Variants in LARP4B observed in about 807,000 individuals in gnomAD.
The protein encoded by LARP4B is La ribonucleoprotein 4B.
LARP4B carries 12 observed loss-of-function variants against 89.8 expected under a neutral mutation model. The observed-to-expected ratio is 0.13, with a 90% CI of 0.09 to 0.22. The LOEUF (loss-of-function observed/expected upper bound fraction) is 0.22, where lower values mean the gene tolerates loss of function less well. Among genes scored for constraint, LARP4B ranks in the 10% least tolerant of loss-of-function variants. The pLI is 1.00. For synonymous variants in LARP4B, 367 were observed against 363.3 expected (o/e 1.01, Z -0.12); for missense variants, 757 against 947.7 (o/e 0.80, Z 2.64).
At chr10:880,255 C>A (rs1835616270) in intron 3 of LARP4B, among the ~76,000 whole-genome samples, 1 of 152,092 alleles carries the variant, frequency 6.6e-6, no homozygotes, top group Admixed American at 6.5e-5. Flanking sequence ...TATAGGCCTG[C>A]AATAATTAAT....
intron 3 of LARP4B, among the ~76,000 whole-genome samples, chr10:878,678 C>CCT (rs1407021789): frequency 2.0e-5 from 3 of 152,196 alleles, no homozygotes; most frequent in Admixed American, 1.3e-4. Context: ...GACACCGGGG[C>CCT]CTAGGAAGGC....
intron 1 of LARP4B, among the ~76,000 whole-genome samples, chr10:923,935 C>T (rs908377007): frequency 6.6e-6 from 1 of 152,152 alleles, no homozygotes; most frequent in African/African-American, 2.4e-5. Flanking sequence ...AAATTTAAGA[C>T]ATATTTTATA....
chr10:901,141 T>C (rs1159375447), intron 1 of LARP4B, among the ~76,000 whole-genome samples: 1 of 151,604 alleles, frequency 6.6e-6, no homozygotes, highest in Non-Finnish European at 1.5e-5. Flanking sequence ...GGTTTCGAAC[T>C]CCTGACCTCC....
the LARP4B span, among the ~76,000 whole-genome samples, chr10:954,542 C>T: frequency 1.3e-5 from 2 of 152,058 alleles, no homozygotes; most frequent in Non-Finnish European, 1.5e-5. This position sits in a 1 kb window ranked among gnomAD's most constrained non-coding sequence, Gnocchi z 5.0. Flanking sequence ...GAATGGGAGT[C>T]GGGACATGGC....
At position 809,757 on chromosome 10, in the gene LARP4B, T is replaced by C. The variant is rs1220087061; in HGVS notation, c.*3169A>G. The C allele has an allele frequency of 1.3e-5, 2 of 152,678 alleles. No homozygotes were observed. The highest frequency in any genetic ancestry group is 2.4e-5 in the African/African-American group (1 of 41,468). The allele number at this position is 152,678 out of a possible 1,614,324, so 9.5% of individuals were successfully genotyped here. On this transcript the variant is annotated 3_prime_UTR_variant, in exon 18 of 18. Transcript: ENST00000316157. ...CTGGCGGCCAGCGCCCTCGCCTCGA[T>C]TGTCTGCAGCCCTGTAGTGGGCCGC...
chr10:852,170 G>A (rs1834090288), intron 5 of LARP4B, among the ~76,000 whole-genome samples: 1 of 152,132 alleles, frequency 6.6e-6, no homozygotes, highest in Non-Finnish European at 1.5e-5. Flanking sequence ...GAAATAATAC[G>A]TAACCTCTTC....
chr10:944,106 G>A, the LARP4B span, among the ~76,000 whole-genome samples: 3 of 152,168 alleles, frequency 2.0e-5, no homozygotes, highest in South Asian at 2.1e-4. Flanking sequence ...TTTAGAATTC[G>A]TGGTAAAGTA....
At chr10:986,845 CAGG>C in the LARP4B span, 1 of 151,750 alleles carries the variant, frequency 6.6e-6, no homozygotes, top group Non-Finnish European at 1.5e-5. Flanking sequence ...GAGGCTGAGG[CAGG>C]AGAATGGCTT....
chr10:829,373 G>T lies in LARP4B; in HGVS notation c.1125+12C>A. Reference sequence around the variant, plus strand: ...GTCTACAACATAAATTCCTAGTAAAGAAATGACGTACCAAGGGTGGGTCAA... The same window carrying T: ...GTCTACAACATAAATTCCTAGTAAATAAATGACGTACCAAGGGTGGGTCAA... On this transcript the variant is annotated intron_variant, in intron 11 of 17. Transcript: ENST00000316157. The T allele has an allele frequency of 6.4e-7, 1 of 1,572,408 alleles. No individual in the cohort carries two copies. The highest frequency in any genetic ancestry group is 8.6e-7 in the Non-Finnish European group (1 of 1,158,562).
At position 864,353 on chromosome 10, in the gene LARP4B, T is replaced by C. The variant is rs186495469; in HGVS notation, c.142-83A>G. On this transcript the variant is annotated intron_variant, in intron 3 of 17. Transcript: ENST00000316157. Reference sequence around the variant, plus strand: ...CTCATTAATGCAGAGTTAAGAGACATCAGATATAGGCTCCAAAGGCTCAGC... The same window carrying C: ...CTCATTAATGCAGAGTTAAGAGACACCAGATATAGGCTCCAAAGGCTCAGC... The C allele has an allele frequency of 2.0e-3, 2,807 of 1,378,098 alleles. 7 individuals carry two copies. The highest frequency in any genetic ancestry group is 2.5e-3 in the Non-Finnish European group (2,430 of 977,102). The allele number at this position is 1,378,098 out of a possible 1,614,324, so 85.4% of individuals were successfully genotyped here.
chr10:893,956 C>T (rs140726577), intron 1 of LARP4B, among the ~76,000 whole-genome samples: 50 of 152,242 alleles, frequency 3.3e-4, no homozygotes, highest in African/African-American at 1.0e-3. Flanking sequence ...TGCTGTTCCT[C>T]GATGAACTGC....
the LARP4B span, among the ~76,000 whole-genome samples, chr10:955,554 A>C: frequency 6.6e-6 from 1 of 151,980 alleles, no homozygotes; most frequent in African/African-American, 2.4e-5. The surrounding 1 kb of genome is among the most constrained non-coding windows in gnomAD (Gnocchi z 5.2). Flanking sequence ...CAGACCTTCA[A>C]CTCGGGCCTT....
chr10:893,185 A>AT (rs1836087475), intron 1 of LARP4B, among the ~76,000 whole-genome samples: 1 of 151,832 alleles, frequency 6.6e-6, no homozygotes, highest in Non-Finnish European at 1.5e-5. Flanking sequence ...AAGTGCTGGG[A>AT]TTACAGGAGT....
At chr10:936,673 G>A (rs1052868198), upstream of LARP4B, among the ~76,000 whole-genome samples, 1 of 152,186 alleles carries the variant, frequency 6.6e-6, no homozygotes, top group Non-Finnish European at 1.5e-5. Flanking sequence ...CAGTGAGCGA[G>A]ATCGTGCCAT....
At chr10:897,511 T>C (rs918635961) in intron 1 of LARP4B, among the ~76,000 whole-genome samples, 6 of 152,016 alleles carry the variant, frequency 3.9e-5, no homozygotes, top group Non-Finnish European at 7.4e-5. Context: ...AAGAAAAAAA[T>C]ACACTGGATT....
chr10:972,257 A>G, the LARP4B span: 1 of 344,102 alleles, frequency 2.9e-6, no homozygotes, highest in Admixed American at 3.9e-5. Flanking sequence ...TGAACTCCTG[A>G]CCTCAGGTGA....
chr10:816,607 A>G (rs1207233646), intron 15 of LARP4B, among the ~76,000 whole-genome samples: 1 of 152,200 alleles, frequency 6.6e-6, no homozygotes, highest in African/African-American at 2.4e-5. Flanking sequence ...CCTCCACTCA[A>G]TACCAACGGG....
At chr10:903,103 A>AC in intron 1 of LARP4B, 2 of 152,328 alleles carry the variant, frequency 1.3e-5, no homozygotes, top group Middle Eastern at 6.8e-3. Context: ...ACCTGGACAA[A>AC]CAAGATTCAA....
At chr10:864,889 G>T (rs1368015563) in intron 3 of LARP4B, among the ~76,000 whole-genome samples, 1 of 152,202 alleles carries the variant, frequency 6.6e-6, no homozygotes, top group Non-Finnish European at 1.5e-5. Context: ...GGAGGCGGGG[G>T]TTGCAGTAAG....
Sources: allele counts gnomAD v4.1 joint callset (sites outside exome capture counted in the v4.1 genomes callset), GRCh38; gene constraint gnomAD v4.1.1; non-coding constraint Gnocchi (gnomAD v3.1); transcripts MANE v1.5; gene names NCBI Gene and HGNC (gene_info 2026-07-23, HGNC 2026-07-21).